The following SUGT1 variants were observed in gnomAD, a reference collection of about 807,000 sequenced individuals.
SUGT1 encodes the protein SGT1 assembly cochaperone of MIS12 kinetochore complex.
In SUGT1, 15 loss-of-function variants were observed where a neutral mutation model predicts 56.1. That is an observed-to-expected ratio of 0.27 (90% CI 0.18 to 0.41). The LOEUF (loss-of-function observed/expected upper bound fraction) is 0.41, where lower values mean the gene tolerates loss of function less well. SUGT1 is among the 10% of genes least tolerant of loss of function. SUGT1 has a pLI of 1.00. For missense variants in SUGT1, 347 were observed against 382.2 expected (o/e 0.91, Z 0.77); for synonymous variants, 123 against 128.6 (o/e 0.96, Z 0.30).
intron 3 of SUGT1, 44 bp from the exon 4 acceptor site, chr13:52,658,355 G>A (rs1262776283): frequency 1.2e-6 from 2 of 1,600,572 alleles, no homozygotes; most frequent in African/African-American, 2.7e-5. Context: ...GTATTTGCTA[G>A]GATCTATAAA....
intron 4 of SUGT1, among the ~76,000 whole-genome samples, chr13:52,658,844 G>C (rs182807346): frequency 1.3e-5 from 2 of 150,082 alleles, no homozygotes; most frequent in African/African-American, 4.9e-5. Context: ...CTATGAAAGC[G>C]CTATATCTGT....
chr13:52,661,290 G>T lies in SUGT1; in HGVS notation c.329-1359G>T, dbSNP rs538545806. Reference sequence around the variant, plus strand: ...ACTTTTTTTGTTGTTGTTTTTTGGGGTTTTTTTTTGTTTTTGTTTGTTTGT... The same window carrying T: ...ACTTTTTTTGTTGTTGTTTTTTGGGTTTTTTTTTTGTTTTTGTTTGTTTGT... On this transcript the variant is annotated intron_variant, in intron 5 of 12. Coordinates refer to ENST00000310528, the MANE Select transcript of SUGT1 (RefSeq NM_006704.5). 6.9e-3 allele frequency among the ~76,000 whole-genome samples: 1,015 copies of T among 146,928 alleles called. 5 individuals are homozygous for T. Among genetic ancestry groups the T allele is most frequent in the South Asian group, 0.027 (125 of 4,640 alleles).
rs1317968680 is a variant in SUGT1, at chr13:52,690,219, T to A, written c.*2384T>A. 3 of 152,212 alleles carry A rather than the reference T, an allele frequency of 2.0e-5. No individual in the cohort carries two copies. The highest frequency in any genetic ancestry group is 7.2e-5 in the African/African-American group (3 of 41,456). 9.4% of individuals were successfully genotyped at this position (152,212 alleles called of 1,614,324 possible). A position where few individuals can be genotyped will look rare whatever the true frequency, so the allele number is the denominator to read the frequency against. On this transcript the variant is annotated 3_prime_UTR_variant, in exon 13 of 13. Transcript: ENST00000310528. ...CTAGATTGCTGCCTAAGAATCCCAC[T>A]CTAAAGTACTGCTTTGTTTAATCAT...
chr13:52,667,248 T>C (rs1030045164), intron 10 of SUGT1, among the ~76,000 whole-genome samples: 9 of 152,226 alleles, frequency 5.9e-5, no homozygotes, highest in African/African-American at 2.2e-4. Flanking sequence ...CCCTTGAACT[T>C]GTCAGTTTTG....
At chr13:52,673,242 C>CTT (rs199630700) in intron 10 of SUGT1, among the ~76,000 whole-genome samples, 8 of 19,102 alleles carry the variant, frequency 4.2e-4, no homozygotes, top group Admixed American at 7.3e-4. Flanking sequence ...CCTTCTTTTA[C>CTT]TTTTTTTTTT....
chr13:52,680,739 GA>G (rs1201339622), intron 12 of SUGT1, among the ~76,000 whole-genome samples: 1 of 152,176 alleles, frequency 6.6e-6, no homozygotes, highest in East Asian at 1.9e-4. Flanking sequence ...ATTTACAGTA[GA>G]AAGTTAAAAT....
intron 11 of SUGT1, among the ~76,000 whole-genome samples, chr13:52,677,703 CTGTTAACCCGT>C (rs57452163): frequency 0.94 from 143,290 of 151,972 alleles, 67,574 homozygotes; most frequent in East Asian, 0.99. Context: ...TCCAGTTATT[CTGTTAACCCGT>C]TGTCTACTTG....
Position 52,652,922 on chromosome 13 carries a change from T to TGGC in SUGT1, c.9_11dup (p.Ala6dup), listed in dbSNP as rs1270304720. The TGGC allele has an allele frequency of 1.2e-6, 2 of 1,613,692 alleles. No individual in the cohort carries two copies. On this transcript the variant is annotated inframe_insertion, in exon 1 of 13. Transcript: ENST00000310528. ...CGGCAGCAACAGCGACTACGAGGGATGGCGGCGGCTGCAGCAGGAACTGCA... is the reference window on the plus strand; with the variant it reads ...CGGCAGCAACAGCGACTACGAGGGATGGCGGCGGCGGCTGCAGCAGGAACTGCA...
chr13:52,664,345 G>C (rs958222327), intron 8 of SUGT1, among the ~76,000 whole-genome samples: 2 of 152,100 alleles, frequency 1.3e-5, no homozygotes, highest in Non-Finnish European at 2.9e-5. Context: ...TTAAGTTTAT[G>C]TTACTACACA....
rs923179945 is a variant in SUGT1, at chr13:52,684,959, C to T, written c.901-2775C>T. Among the ~76,000 whole-genome samples the T allele has an allele frequency of 5.7e-4, 86 of 151,176 alleles. 3 individuals carry two copies. The highest frequency in any genetic ancestry group is 1.0e-4 in the Non-Finnish European group (7 of 67,876). On this transcript the variant is annotated intron_variant, in intron 12 of 12. Transcript: ENST00000310528. ...CCCTTGGTGTTTCCAGCTTCTTCAG[C>T]TCCAAGTCTAGGATATATGAGGCAA...
At chr13:52,676,480 C>T (rs776034555) in intron 11 of SUGT1, among the ~76,000 whole-genome samples, 160 bp downstream of exon 11, 1 of 152,172 alleles carries the variant, frequency 6.6e-6, no homozygotes, top group East Asian at 1.9e-4. Flanking sequence ...AGTAGCCTTT[C>T]TGTGAAAGTT....
rs1963719945 is a variant in SUGT1 at position 52,689,692 on chromosome 13, G to C, written c.*1857G>C. 6.6e-6 allele frequency: 1 copy of C among 152,310 alleles called. No individual in the cohort carries two copies. Among genetic ancestry groups the C allele is most frequent in the African/African-American group, 2.4e-5 (1 of 41,568 alleles). 9.4% of individuals were successfully genotyped at this position (152,310 alleles called of 1,614,324 possible). A position where few individuals can be genotyped will look rare whatever the true frequency, so the allele number is the denominator to read the frequency against. On this transcript the variant is annotated 3_prime_UTR_variant, in exon 13 of 13. Coordinates refer to ENST00000310528, the MANE Select transcript of SUGT1 (RefSeq NM_006704.5). ...CTATTAAAATAGCTGTTTCTGACCA[G>C]GTGCAGTAGCTCATGCTTGTAATCC...
chr13:52,669,711 A>G (rs1962854025), intron 10 of SUGT1, among the ~76,000 whole-genome samples: 2 of 151,718 alleles, frequency 1.3e-5, no homozygotes, highest in Admixed American at 1.3e-4. Context: ...TATATACCAT[A>G]TATATATATA....
chr13:52,666,453 A>G (rs987459285), intron 9 of SUGT1, among the ~76,000 whole-genome samples: 2 of 152,232 alleles, frequency 1.3e-5, no homozygotes, highest in African/African-American at 4.8e-5. Flanking sequence ...TAAAAGAGGT[A>G]GTGATAGAAC....
chr13:52,674,417 A>G (rs1374427889), intron 10 of SUGT1, among the ~76,000 whole-genome samples: 1 of 152,200 alleles, frequency 6.6e-6, no homozygotes, highest in East Asian at 1.9e-4. Context: ...GCTCCAAAAG[A>G]AAATAAAAAT....
chr13:52,663,168 A>G lies in SUGT1; in HGVS notation c.399+56A>G, dbSNP rs1594235199. 5 of 1,557,848 alleles carry G rather than the reference A, an allele frequency of 3.2e-6. No homozygotes were observed. The East Asian group carries it at 9.1e-5, about 28-fold the overall frequency. On this transcript the variant is annotated intron_variant, in intron 7 of 12. Transcript: ENST00000310528. ...TTATTATTTTAAATTTCAGCTACCA[A>G]ATATATTTGAGACAAGACTCAGGAT...
intron 12 of SUGT1, among the ~76,000 whole-genome samples, chr13:52,686,181 G>A (rs1045221314): frequency 6.6e-6 from 1 of 152,046 alleles, no homozygotes; most frequent in Non-Finnish European, 1.5e-5. Flanking sequence ...GCCCGCCTCA[G>A]CCTCCCAAAA....
intron 4 of SUGT1, among the ~76,000 whole-genome samples, chr13:52,658,704 C>G (rs1962281503): frequency 6.8e-6 from 1 of 146,464 alleles, no homozygotes; most frequent in Admixed American, 6.8e-5. Context: ...GAAGTATTTG[C>G]AAGGTATAGA....
intron 5 of SUGT1, among the ~76,000 whole-genome samples, chr13:52,660,211 G>A (rs1468335811): frequency 6.6e-6 from 1 of 151,972 alleles, no homozygotes; most frequent in African/African-American, 2.4e-5. Context: ...AATCCTACTT[G>A]TATTATCATT....
Sources: gnomAD v4.1 joint callset for allele counts (sites outside exome capture counted in the v4.1 genomes callset) on GRCh38, gnomAD v4.1.1 for gene constraint, MANE v1.5 for transcripts, NCBI Gene and HGNC (gene_info 2026-07-23, HGNC 2026-07-21) for gene names.